Variants in ARHGAP28 observed in about 807,000 individuals in gnomAD.
ARHGAP28 encodes the protein Rho GTPase activating protein 28, also known as rho GTPase-activating protein 28.
ARHGAP28 carries 56 observed loss-of-function variants against 90.7 expected under a neutral mutation model. The ratio of observed to expected loss-of-function variants is 0.62; its 90% CI spans 0.50 to 0.77. The LOEUF is 0.77. Among genes scored for constraint, ARHGAP28 ranks in the 30% least tolerant of loss-of-function variants. ARHGAP28 has a pLI of 0.00. For synonymous variants in ARHGAP28, 308 were observed against 323.3 expected (o/e 0.95, Z 0.51); for missense variants, 869 against 900.9 (o/e 0.96, Z 0.45).
intron 10 of ARHGAP28, among the ~76,000 whole-genome samples, chr18:6,881,751 G>C (rs530085994): frequency 8.5e-5 from 13 of 152,198 alleles, no homozygotes; most frequent in Non-Finnish European, 1.6e-4. Context: ...AAATAGAAGA[G>C]AGGATGGCAG....
chr18:6,905,154 G>T (rs1432240108), intron 16 of ARHGAP28, among the ~76,000 whole-genome samples: 2 of 151,512 alleles, frequency 1.3e-5, no homozygotes, highest in South Asian at 2.1e-4. Context: ...CATAAATTTA[G>T]AATTTAAAAA....
Position 6,830,282 on chromosome 18 carries a change from CTCTT to C in ARHGAP28, c.325+5324_325+5327del, listed in dbSNP as rs200683491. ...GCTACCAAATTCTGGATTTTATTCA[CTCTT>C]TCTTTTTTTTTCTTTACAATGTTAT... On this transcript the variant is annotated intron_variant, in intron 2 of 17. Transcript: ENST00000383472. Among the ~76,000 whole-genome samples the C allele has an allele frequency of 5.5e-3, 830 of 152,046 alleles. 5 individuals are homozygous for C. The highest frequency in any genetic ancestry group is 0.019 in the African/African-American group (790 of 41,458).
chr18:6,833,923 TA>T (rs976128753), intron 2 of ARHGAP28, among the ~76,000 whole-genome samples: 1 of 152,152 alleles, frequency 6.6e-6, no homozygotes, highest in African/African-American at 2.4e-5. Flanking sequence ...CCCCACATTT[TA>T]TCTGGGAGTC....
intron 1 of ARHGAP28, among the ~76,000 whole-genome samples, chr18:6,792,368 C>T (rs1359669696): frequency 6.6e-6 from 1 of 152,178 alleles, no homozygotes; most frequent in Non-Finnish European, 1.5e-5. Flanking sequence ...CAAAAAAGTA[C>T]ATTGTATATC....
chr18:6,885,218 A>G (rs1272931657), intron 11 of ARHGAP28, among the ~76,000 whole-genome samples: 3 of 152,228 alleles, frequency 2.0e-5, no homozygotes, highest in African/African-American at 7.2e-5. Context: ...TTGAAAGTGA[A>G]AAATACTATA....
chr18:6,907,792 T>C (rs1365871190), intron 16 of ARHGAP28, among the ~76,000 whole-genome samples: 2 of 152,162 alleles, frequency 1.3e-5, no homozygotes, highest in Non-Finnish European at 2.9e-5. Flanking sequence ...TTGTGAGATG[T>C]TACTATTGAG....
At chr18:6,754,316 G>C (rs2056092467) in intron 1 of ARHGAP28, among the ~76,000 whole-genome samples, 1 of 152,188 alleles carries the variant, frequency 6.6e-6, no homozygotes, top group Admixed American at 6.5e-5. Context: ...AGATTAAACT[G>C]TATTTGGATA....
At chr18:6,828,075 T>G (rs571228072) in intron 2 of ARHGAP28, among the ~76,000 whole-genome samples, 8 of 151,760 alleles carry the variant, frequency 5.3e-5, no homozygotes, top group Admixed American at 1.3e-4. Flanking sequence ...AGCACTGAGT[T>G]AACGAGACTC....
At chr18:6,828,186 C>CA (rs1555630018) in intron 2 of ARHGAP28, among the ~76,000 whole-genome samples, 1 of 152,092 alleles carries the variant, frequency 6.6e-6, no homozygotes, top group Non-Finnish European at 1.5e-5. Context: ...CCGTCTCCAC[C>CA]AAAAAAATAC....
At chr18:6,830,202 A>G (rs1289806315) in intron 2 of ARHGAP28, among the ~76,000 whole-genome samples, 1 of 152,066 alleles carries the variant, frequency 6.6e-6, no homozygotes, top group Non-Finnish European at 1.5e-5. Context: ...ATTCCACTCT[A>G]TTAGTTATTA....
chr18:6,774,855 G>A (rs1431742958), intron 1 of ARHGAP28, among the ~76,000 whole-genome samples: 3 of 152,162 alleles, frequency 2.0e-5, no homozygotes, highest in African/African-American at 4.8e-5. Context: ...CAGGAAAGAG[G>A]TTTGCTGGGG....
Position 6,776,741 on chromosome 18 carries a change from A to C in ARHGAP28, c.122+46798A>C, listed in dbSNP as rs146346587. Among the ~76,000 whole-genome samples, 462 of 152,298 alleles carry C rather than the reference A, an allele frequency of 3.0e-3. 2 individuals are homozygous for C. The highest frequency in any genetic ancestry group is 0.011 in the African/African-American group (442 of 41,558). ...GAGAAACGGGGTGTCAGAGTGGTAC[A>C]TAGGTTATTCTTTCAGTCGGTGGTA... On this transcript the variant is annotated intron_variant, in intron 1 of 17. Transcript: ENST00000383472.
chr18:6,836,598 T>G (rs527800145), intron 2 of ARHGAP28, among the ~76,000 whole-genome samples: 1 of 152,174 alleles, frequency 6.6e-6, no homozygotes, highest in Admixed American at 6.5e-5. Context: ...ATCTGCTATA[T>G]GGAGGAATTG....
chr18:6,907,742 A>G (rs555374133), intron 16 of ARHGAP28, among the ~76,000 whole-genome samples: 32 of 152,236 alleles, frequency 2.1e-4, no homozygotes, highest in African/African-American at 6.5e-4. Context: ...TCTTCCCTGA[A>G]TGGGTGTCAA....
chr18:6,891,680 T>C (rs911008124), intron 14 of ARHGAP28, among the ~76,000 whole-genome samples: 1 of 152,258 alleles, frequency 6.6e-6, no homozygotes, highest in Non-Finnish European at 1.5e-5. Context: ...CTCGAACTCC[T>C]GGGCTCAAGT....
chr18:6,758,373 G>A (rs781078409), intron 1 of ARHGAP28, among the ~76,000 whole-genome samples: 9 of 152,038 alleles, frequency 5.9e-5, no homozygotes, highest in African/African-American at 9.7e-5. Context: ...TCGCTCAGGC[G>A]AGTGCGGTGG....
At chr18:6,757,895 C>G (rs1179231613) in intron 1 of ARHGAP28, among the ~76,000 whole-genome samples, 1 of 152,082 alleles carries the variant, frequency 6.6e-6, no homozygotes, top group Non-Finnish European at 1.5e-5. Context: ...CAGCACTGCC[C>G]CAGAAGATAA....
intron 1 of ARHGAP28, among the ~76,000 whole-genome samples, chr18:6,792,049 G>A (rs2056410499): frequency 1.3e-5 from 2 of 151,930 alleles, no homozygotes; most frequent in Admixed American, 6.6e-5. Context: ...CACCTGCCTC[G>A]GCCTCCCAAA....
intron 1 of ARHGAP28, among the ~76,000 whole-genome samples, chr18:6,802,511 A>G (rs376518212): frequency 1.3e-4 from 20 of 151,746 alleles, no homozygotes; most frequent in African/African-American, 4.6e-4. Flanking sequence ...ACATCTGGCT[A>G]ATTTTTGTAT....
Sources: allele counts gnomAD v4.1 joint callset (sites outside exome capture counted in the v4.1 genomes callset), GRCh38; gene constraint gnomAD v4.1.1; transcripts MANE v1.5; gene names NCBI Gene and HGNC (gene_info 2026-07-23, HGNC 2026-07-21).